Variants in ASIC2 observed in about 807,000 individuals in gnomAD.
ASIC2 encodes the protein acid-sensing ion channel 2.
ASIC2 carries 25 observed loss-of-function variants against 57.3 expected under a neutral mutation model. That is an observed-to-expected ratio of 0.44 (90% CI 0.32 to 0.61). The LOEUF (loss-of-function observed/expected upper bound fraction) is 0.61. Ranked by LOEUF, ASIC2 falls within the 20% of genes least tolerant of loss-of-function variation. The pLI is 0.06. For missense variants in ASIC2, 641 were observed against 738.1 expected (o/e 0.87, Z 1.52); for synonymous variants, 319 against 307.5 (o/e 1.04, Z -0.39).
intron 1 of ASIC2, among the ~76,000 whole-genome samples, chr17:33,520,705 C>A (rs368197104): frequency 2.0e-5 from 3 of 152,368 alleles, no homozygotes; most frequent in African/African-American, 4.8e-5. Context: ...AGCAAGTGAG[C>A]GGCCCCAAAG....
chr17:34,045,296 T>G (rs1012218314), intron 1 of ASIC2, among the ~76,000 whole-genome samples: 1 of 152,316 alleles, frequency 6.6e-6, no homozygotes, highest in East Asian at 1.9e-4. Context: ...ATACTACCCA[T>G]GGGCAATGTG....
chr17:33,507,738 C>A (rs1420925812), intron 1 of ASIC2, among the ~76,000 whole-genome samples: 1 of 152,138 alleles, frequency 6.6e-6, no homozygotes, highest in Non-Finnish European at 1.5e-5. Context: ...CCCATCTCTA[C>A]TAAAAATACA....
intron 1 of ASIC2, among the ~76,000 whole-genome samples, chr17:34,011,003 C>CACACACATAG (rs1555580897): frequency 1.7e-5 from 1 of 58,908 alleles, no homozygotes; most frequent in East Asian, 3.7e-4. Flanking sequence ...GTCAGACACA[C>CACACACATAG]ACACACACAG....
At chr17:33,741,105 A>G (rs1910098568) in intron 1 of ASIC2, among the ~76,000 whole-genome samples, 1 of 152,156 alleles carries the variant, frequency 6.6e-6, no homozygotes, top group Non-Finnish European at 1.5e-5. Flanking sequence ...AGGGGCTTCT[A>G]GGCAGGTCAA....
chr17:33,611,822 T>C (rs1311501751), intron 1 of ASIC2, among the ~76,000 whole-genome samples: 3 of 152,206 alleles, frequency 2.0e-5, no homozygotes, highest in Non-Finnish European at 4.4e-5. Flanking sequence ...CTCTGGTTGC[T>C]CTAGTGGGAA....
intron 1 of ASIC2, among the ~76,000 whole-genome samples, chr17:33,881,227 T>C (rs1466726887): frequency 6.6e-6 from 1 of 152,038 alleles, no homozygotes; most frequent in African/African-American, 2.4e-5. Context: ...CTCTCACCAC[T>C]CCTATTCAAC....
intron 1 of ASIC2, among the ~76,000 whole-genome samples, chr17:33,245,415 C>G (rs147835578): frequency 1.3e-5 from 2 of 152,320 alleles, no homozygotes; most frequent in East Asian, 3.9e-4. Flanking sequence ...ATTCATTCAA[C>G]AGCTGTTTGC....
At chr17:33,106,767 A>G (rs1019024583) in intron 2 of ASIC2, among the ~76,000 whole-genome samples, 4 of 151,996 alleles carry the variant, frequency 2.6e-5, no homozygotes, top group African/African-American at 9.7e-5. Flanking sequence ...TTTTTCCCCT[A>G]AACAGGACGT....
intron 1 of ASIC2, among the ~76,000 whole-genome samples, chr17:34,058,539 G>A (rs574775774): frequency 9.0e-4 from 137 of 152,296 alleles, no homozygotes; most frequent in African/African-American, 3.2e-3. Flanking sequence ...TTTCATTCCT[G>A]TAGCACTAGC....
At chr17:33,187,900 G>A (rs1229696048) in intron 1 of ASIC2, among the ~76,000 whole-genome samples, 3 of 131,754 alleles carry the variant, frequency 2.3e-5, no homozygotes, top group African/African-American at 9.5e-5. Flanking sequence ...AAAATGGTCA[G>A]GGATGAAAAA....
intron 1 of ASIC2, chr17:34,002,087 T>G (rs908923378): frequency 6.6e-6 from 1 of 152,286 alleles, no homozygotes; most frequent in Admixed American, 6.5e-5. Flanking sequence ...CCAGGCAGCC[T>G]TCTCTAACTC....
Position 33,564,302 on chromosome 17 carries a change from G to T in ASIC2, c.556-452235C>A, listed in dbSNP as rs150583495. 8.2e-3 allele frequency among the ~76,000 whole-genome samples: 1,251 copies of T among 152,332 alleles called. 8 individuals carry two copies. The highest frequency in any genetic ancestry group is 0.027 in the Middle Eastern group (8 of 294). ...TCAATATTGAAAAACAGAAGTCTCA[G>T]TTAAGGAGGCCTGCCCTGACTCGTT... On this transcript the variant is annotated intron_variant, in intron 1 of 9. Coordinates refer to the ASIC2 transcript ENST00000359872.
intron 1 of ASIC2, among the ~76,000 whole-genome samples, chr17:33,350,511 C>T (rs1189205808): frequency 1.3e-5 from 2 of 152,040 alleles, no homozygotes; most frequent in African/African-American, 2.4e-5. Context: ...GAAACCCCGT[C>T]TCTACTAAAA....
intron 1 of ASIC2, among the ~76,000 whole-genome samples, chr17:33,255,370 G>A (rs2142137594): frequency 6.6e-6 from 1 of 152,140 alleles, no homozygotes; most frequent in East Asian, 1.9e-4. Flanking sequence ...AATATTGTAT[G>A]TGAATGTAAA....
chr17:34,078,718 T>C (rs1598011879), intron 1 of ASIC2, among the ~76,000 whole-genome samples: 1 of 152,256 alleles, frequency 6.6e-6, no homozygotes. Context: ...AGGAGCTCAG[T>C]CCTGAAAGGA....
At chr17:33,622,150 G>A (rs1222735069) in intron 1 of ASIC2, among the ~76,000 whole-genome samples, 1 of 151,874 alleles carries the variant, frequency 6.6e-6, no homozygotes, top group African/African-American at 2.4e-5. Context: ...GAGATAAAAG[G>A]ACAAGCAGAG....
chr17:34,088,632 C>T (rs901956764), intron 1 of ASIC2, among the ~76,000 whole-genome samples: 3 of 152,226 alleles, frequency 2.0e-5, no homozygotes, highest in Non-Finnish European at 4.4e-5. Flanking sequence ...TGTGCCCTGT[C>T]CCCAGAAGTG....
chr17:33,929,251 G>C (rs1438568113), intron 1 of ASIC2, among the ~76,000 whole-genome samples: 1 of 151,936 alleles, frequency 6.6e-6, no homozygotes, highest in Non-Finnish European at 1.5e-5. Flanking sequence ...GCCTTGCCCT[G>C]CCCTCCCAGC....
intron 3 of ASIC2, among the ~76,000 whole-genome samples, chr17:33,064,428 C>T (rs1200716474): frequency 6.6e-6 from 1 of 152,220 alleles, no homozygotes; most frequent in Non-Finnish European, 1.5e-5. Context: ...AGGTCCACTC[C>T]AGACCCTGTT....
Sources: allele counts gnomAD v4.1 joint callset (sites outside exome capture counted in the v4.1 genomes callset), GRCh38; gene constraint gnomAD v4.1.1; transcripts MANE v1.5; gene names NCBI Gene and HGNC (gene_info 2026-07-23, HGNC 2026-07-21).